PCSK6: variants seen among roughly 807,000 people sequenced by gnomAD.
The protein encoded by PCSK6 is paired basic amino acid cleaving enzyme 4.
In PCSK6, 85 loss-of-function variants were observed where a neutral mutation model predicts 123.3. The ratio of observed to expected loss-of-function variants is 0.69; its 90% CI spans 0.58 to 0.83. The LOEUF (loss-of-function observed/expected upper bound fraction) is 0.83. Among genes scored for constraint, PCSK6 ranks in the 40% least tolerant of loss-of-function variants. The pLI is 0.00. For synonymous variants in PCSK6, 508 were observed against 516.0 expected (o/e 0.98, Z 0.21); for missense variants, 1,191 against 1,282.3 (o/e 0.93, Z 1.09).
At chr15:101,315,800 G>A (rs1596171788) in intron 19 of PCSK6, among the ~76,000 whole-genome samples, 2 of 152,198 alleles carry the variant, frequency 1.3e-5, no homozygotes, top group Non-Finnish European at 2.9e-5. Flanking sequence ...CGCGTCCCAC[G>A]GGGCCACTGC....
chr15:101,325,356 C>G (rs763654362), intron 16 of PCSK6, among the ~76,000 whole-genome samples: 2 of 152,230 alleles, frequency 1.3e-5, no homozygotes, highest in Admixed American at 6.5e-5. Flanking sequence ...TGGCAAAACC[C>G]TCTCTCGGGC....
At chr15:101,362,011 C>T (rs2041239576) in intron 13 of PCSK6, among the ~76,000 whole-genome samples, 2 of 130,548 alleles carry the variant, frequency 1.5e-5, no homozygotes, top group South Asian at 2.5e-4. Flanking sequence ...GGCTGGAGTG[C>T]AGTGGCGCAA....
chr15:101,463,820 G>A (rs1257750415), intron 1 of PCSK6, among the ~76,000 whole-genome samples: 1 of 152,094 alleles, frequency 6.6e-6, no homozygotes, highest in East Asian at 1.9e-4. Context: ...TACCAAAGCT[G>A]TGAGGTCAGG....
rs1056342407 is a variant in PCSK6, at chr15:101,488,506, G to A, written c.297+868C>T. ...ACAGCCGAGGGCTGCGGGGCTGGGA[G>A]GGCCCCGTGGGGGCCGGTGAGGGTC... On this transcript the variant is annotated intron_variant, in intron 1 of 21. Transcript: ENST00000611716. Among the ~76,000 whole-genome samples the A allele has an allele frequency of 4.6e-5, 7 of 152,302 alleles. No homozygotes were observed. In the East Asian group the frequency reaches 1.4e-3, roughly 30 times the overall value.
At chr15:101,464,439 G>C (rs1162834036) in intron 1 of PCSK6, among the ~76,000 whole-genome samples, 2 of 152,156 alleles carry the variant, frequency 1.3e-5, no homozygotes, top group Non-Finnish European at 2.9e-5. Flanking sequence ...TACAAGATTG[G>C]CTAATCCAAG....
intron 1 of PCSK6, among the ~76,000 whole-genome samples, chr15:101,446,368 C>T (rs2056890113): frequency 6.6e-6 from 1 of 152,246 alleles, no homozygotes; most frequent in South Asian, 2.1e-4. Context: ...GTTATCTGCA[C>T]ATCTCACATT....
chr15:101,425,615 CCTG>C (rs2056230187), intron 6 of PCSK6, among the ~76,000 whole-genome samples: 1 of 143,660 alleles, frequency 7.0e-6, no homozygotes, highest in Admixed American at 7.2e-5. Flanking sequence ...TGTTACCATT[CCTG>C]CTGTTGTTTA....
At chr15:101,353,409 C>T (rs2040952551) in intron 13 of PCSK6, among the ~76,000 whole-genome samples, 1 of 152,150 alleles carries the variant, frequency 6.6e-6, no homozygotes, top group African/African-American at 2.4e-5. Flanking sequence ...CCGCTCACCT[C>T]CTGCTGTGTA....
chr15:101,307,309 A>G lies in PCSK6; in HGVS notation c.2716T>C (p.Leu906=). 6.2e-7 allele frequency: 1 copy of G among 1,613,358 alleles called. No homozygotes were observed. The highest frequency in any genetic ancestry group is 8.5e-7 in the Non-Finnish European group (1 of 1,179,648). The part of the protein sequence containing the change: ...KVCRRCDENC[L]SCAGSSRNCS... The stretch of plus-strand genomic sequence containing the variant: ...TTCCTGCTGGAGCCTGCACAGCTCA[A>G]GCAGTTCTCGTCACACCTGTGGGAA... Residue 906 remains leucine (L), a synonymous_variant, in exon 21 of 22, where the codon TTG becomes CTG. Coordinates refer to ENST00000611716, the MANE Select transcript of PCSK6 (RefSeq NM_002570.5).
At chr15:101,432,553 T>TG (rs2056481392) in intron 2 of PCSK6, among the ~76,000 whole-genome samples, 1 of 149,078 alleles carries the variant, frequency 6.7e-6, no homozygotes, top group Non-Finnish European at 1.5e-5. Flanking sequence ...TGCTTGAGCC[T>TG]GGGAAGTCAA....
intron 6 of PCSK6, among the ~76,000 whole-genome samples, chr15:101,420,670 A>G (rs1376766031): frequency 6.6e-6 from 1 of 152,184 alleles, no homozygotes; most frequent in Non-Finnish European, 1.5e-5. Flanking sequence ...GCCCATAAAA[A>G]CTTTAAACAG....
At chr15:101,429,892 C>T (rs2056389127) in intron 5 of PCSK6, 95 bp downstream of exon 5, 4 of 1,083,060 alleles carry the variant, frequency 3.7e-6, no homozygotes, top group Non-Finnish European at 4.2e-6. Flanking sequence ...GATACGCCGG[C>T]AGCCACCGCC....
chr15:101,461,677 A>C (rs2057343281), intron 1 of PCSK6, among the ~76,000 whole-genome samples: 2 of 152,228 alleles, frequency 1.3e-5, no homozygotes, highest in African/African-American at 4.8e-5. Flanking sequence ...CAAAAATGCA[A>C]GGGTATTTTA....
At chr15:101,339,374 C>A (rs2040549860) in intron 13 of PCSK6, among the ~76,000 whole-genome samples, 1 of 152,166 alleles carries the variant, frequency 6.6e-6, no homozygotes. Flanking sequence ...GTTTAAAACA[C>A]CAGTGGAAGT....
intron 1 of PCSK6, among the ~76,000 whole-genome samples, chr15:101,464,826 G>C (rs541314857): frequency 6.6e-6 from 1 of 152,156 alleles, no homozygotes; most frequent in African/African-American, 2.4e-5. Flanking sequence ...GAGGCTGTCC[G>C]CTCTATCCCG....
At chr15:101,308,878 C>A (rs982855271) in intron 20 of PCSK6, 1 of 152,334 alleles carries the variant, frequency 6.6e-6, no homozygotes, top group African/African-American at 2.4e-5. Flanking sequence ...CAGGGCCGAG[C>A]TGAGTCATTT....
At chr15:101,469,131 G>T (rs759630088) in intron 1 of PCSK6, among the ~76,000 whole-genome samples, 11 of 151,952 alleles carry the variant, frequency 7.2e-5, no homozygotes, top group Non-Finnish European at 1.3e-4. Context: ...GGGGAAATTT[G>T]ACTATTACAG....
chr15:101,407,881 T>C (rs2042825960), intron 6 of PCSK6, among the ~76,000 whole-genome samples: 1 of 152,232 alleles, frequency 6.6e-6, no homozygotes, highest in Non-Finnish European at 1.5e-5. Flanking sequence ...CCGAAAATGA[T>C]TGTACATATT....
At chr15:101,467,780 A>G (rs2057500007) in intron 1 of PCSK6, among the ~76,000 whole-genome samples, 1 of 152,230 alleles carries the variant, frequency 6.6e-6, no homozygotes, top group African/African-American at 2.4e-5. Flanking sequence ...TACCCCACAC[A>G]GTACATCATT....
Sources: gnomAD v4.1 joint callset for allele counts (sites outside exome capture counted in the v4.1 genomes callset) on GRCh38, gnomAD v4.1.1 for gene constraint, MANE v1.5 for transcripts, NCBI Gene and HGNC (gene_info 2026-07-23, HGNC 2026-07-21) for gene names.